ORC1: variants seen among roughly 807,000 people sequenced by gnomAD.
ORC1 encodes the protein origin recognition complex, subunit 1 homolog.
Under a neutral mutation model 98.9 loss-of-function variants are expected in ORC1, and 61 were observed. The ratio of observed to expected loss-of-function variants is 0.62; its 90% confidence interval spans 0.50 to 0.76. The LOEUF (loss-of-function observed/expected upper bound fraction) is 0.76, where lower values mean the gene tolerates loss of function less well. Among genes scored for constraint, ORC1 ranks in the 30% least tolerant of loss-of-function variants. The pLI, the probability that ORC1 is intolerant of heterozygous loss-of-function variation, is 0.00. For missense variants in ORC1, 979 were observed against 1,072.2 expected (o/e 0.91, Z 1.21); for synonymous variants, 385 against 406.9 (o/e 0.95, Z 0.65).
intron 10 of ORC1, among the ~76,000 whole-genome samples, 185 bp downstream of exon 10, chr1:52,384,976 C>G (rs1162267913): frequency 6.6e-6 from 1 of 152,130 alleles, no homozygotes; most frequent in Non-Finnish European, 1.5e-5. Flanking sequence ...TTCTGAAAGG[C>G]AAAATTTCTG....
chr1:52,376,247 G>C (rs901206173), intron 14 of ORC1, among the ~76,000 whole-genome samples: 2 of 152,076 alleles, frequency 1.3e-5, no homozygotes, highest in Non-Finnish European at 2.9e-5. Context: ...GGGCGCGGTG[G>C]GTCACACCTG....
At chr1:52,395,406 G>A (rs1368673815) in intron 5 of ORC1, among the ~76,000 whole-genome samples, 1 of 152,192 alleles carries the variant, frequency 6.6e-6, no homozygotes, top group Non-Finnish European at 1.5e-5. Flanking sequence ...TGGAGGACAA[G>A]GAAAGGAGTA....
intron 16 of ORC1, among the ~76,000 whole-genome samples, chr1:52,374,226 G>C (rs1382097104): frequency 1.3e-5 from 2 of 152,144 alleles, no homozygotes; most frequent in Non-Finnish European, 2.9e-5. Context: ...TTTTAAACAA[G>C]AATTTACAAC....
chr1:52,408,721 A>T (rs762571236), upstream of ORC1: 2 of 1,609,280 alleles, frequency 1.2e-6, no homozygotes, highest in East Asian at 4.5e-5. Context: ...CCTGATTGTC[A>T]TTTTTAAGCC....
upstream of ORC1, chr1:52,409,421 G>A (rs549776228): frequency 2.6e-5 from 4 of 152,352 alleles, no homozygotes; most frequent in South Asian, 2.1e-4. Context: ...GACCAGCCTC[G>A]TCAGTATGGT....
At chr1:52,398,864 C>T (rs1231519526) in intron 3 of ORC1, among the ~76,000 whole-genome samples, 1 of 152,244 alleles carries the variant, frequency 6.6e-6, no homozygotes, top group Non-Finnish European at 1.5e-5. Flanking sequence ...GGATTACAGG[C>T]ATGAGCCACC....
chr1:52,380,267 T>C (rs886985146), intron 14 of ORC1, among the ~76,000 whole-genome samples: 3 of 152,244 alleles, frequency 2.0e-5, no homozygotes, highest in African/African-American at 7.2e-5. Flanking sequence ...CAGAGCCAGC[T>C]GTTTAATCTC....
chr1:52,401,807 C>T (rs753667606), intron 2 of ORC1, among the ~76,000 whole-genome samples: 3 of 152,156 alleles, frequency 2.0e-5, no homozygotes, highest in Non-Finnish European at 4.4e-5. Context: ...GTCAAATTGT[C>T]AGAGATCTCC....
chr1:52,376,915 CA>C (rs1261541517), intron 14 of ORC1, among the ~76,000 whole-genome samples: 3 of 152,174 alleles, frequency 2.0e-5, no homozygotes, highest in Non-Finnish European at 4.4e-5. Context: ...ACTTCAGCCT[CA>C]GTACAGGGTG....
chr1:52,397,768 G>A lies in ORC1; in HGVS notation c.319C>T (p.Pro107Ser), dbSNP rs1647483686. The A allele has an allele frequency of 3.1e-6, 5 of 1,614,164 alleles. No homozygotes were observed. In the East Asian group the frequency reaches 1.1e-4, roughly 36 times the overall value. Residue 107 changes from proline to serine, a missense_variant, in exon 4 of 17, where the codon CCT (proline) becomes TCT (serine). Pro to Ser is a moderately conservative substitution (Grantham distance 74). Transcript: ENST00000371568. ...TACCAGAATATTTCCTGTGCACCAG[G>A]CTTCCGGCCCAACAAATGCCGTTTA... ...ACKRHLLGRK[P>S]GAQEIFWYDY...
intron 8 of ORC1, among the ~76,000 whole-genome samples, chr1:52,386,618 G>A (rs1647146226): frequency 6.6e-6 from 1 of 152,298 alleles, no homozygotes; most frequent in South Asian, 2.1e-4. Flanking sequence ...TGGCTAGAGA[G>A]AGAACAATCT....
rs1329288622 is a variant in ORC1, at chr1:52,373,372, A to AT, written c.2394dup (p.Tyr799IlefsTer2). 1 of 1,613,198 alleles carries AT rather than the reference A, an allele frequency of 6.2e-7. No homozygotes were observed. The highest frequency in any genetic ancestry group is 8.5e-7 in the Non-Finnish European group (1 of 1,179,360). On this transcript the variant is annotated frameshift_variant, in exon 17 of 17. Coordinates refer to ENST00000371568, the MANE Select transcript of ORC1 (RefSeq NM_004153.4). LOFTEE classifies it high-confidence loss of function. ...CTGCACAGTGCCACATGTTGACTAT[A>AT]TATCTAGACACAAATAGCAAGGCAA...
At chr1:52,392,914 A>C (rs1293950882) in intron 6 of ORC1, among the ~76,000 whole-genome samples, 1 of 152,194 alleles carries the variant, frequency 6.6e-6, no homozygotes, top group Non-Finnish European at 1.5e-5. Flanking sequence ...GGAAGGGTGG[A>C]AGGTGGGTGA....
Position 52,381,669 on chromosome 1 carries a change from A to T in ORC1, c.2106T>A (p.Asp702Glu), listed in dbSNP as rs373198161. Residue 702 changes from aspartate (D) to glutamate (E), a missense_variant, in exon 14 of 17, where the codon GAT becomes GAA. Transcript: ENST00000371568. ...SRLKHLKAFE[D>E]DAIQLVARKV... ...TCCTGGCTACCAGCTGGATGGCATC[A>T]TCTTCAAAGGCCTTTAGATGCTTGA... 4 of 1,612,970 alleles carry T rather than the reference A, an allele frequency of 2.5e-6. No homozygotes were observed. Among genetic ancestry groups the T allele is most frequent in the Non-Finnish European group, 3.4e-6 (4 of 1,179,778 alleles).
intron 14 of ORC1, among the ~76,000 whole-genome samples, chr1:52,377,703 C>CAAAA (rs58266239): frequency 4.8e-3 from 282 of 58,230 alleles, no homozygotes; most frequent in East Asian, 0.01. Flanking sequence ...CCCCTAGAAG[C>CAAAA]AAAAAAAAAA....
intron 14 of ORC1, among the ~76,000 whole-genome samples, 191 bp downstream of exon 14, chr1:52,381,451 C>A (rs961753328): frequency 6.6e-6 from 1 of 152,122 alleles, no homozygotes; most frequent in Admixed American, 6.6e-5. Context: ...CATATAAACC[C>A]ACAATATTTA....
chr1:52,388,656 T>C lies in ORC1; in HGVS notation c.1188-19A>G, dbSNP rs769895881. The C allele has an allele frequency of 6.3e-7, 1 of 1,593,362 alleles. No homozygotes were observed. The highest frequency in any genetic ancestry group is 1.7e-5 in the Admixed American group (1 of 60,002). On this transcript the variant is annotated intron_variant, in intron 7 of 16. Transcript: ENST00000371568. Reference sequence around the variant, plus strand: ...TAGAAACCTGAATGGTAGGGACATATTTTTTGATACTCAGTGTTCAAGTCT... The same window carrying C: ...TAGAAACCTGAATGGTAGGGACATACTTTTTGATACTCAGTGTTCAAGTCT...
At chr1:52,404,652 ACTT>A, upstream of ORC1, 1 of 1,401,510 alleles carries the variant, frequency 7.1e-7, no homozygotes, top group South Asian at 1.4e-5. Context: ...GTTTAGTGAA[ACTT>A]CTTCCACCTT....
intron 13 of ORC1, among the ~76,000 whole-genome samples, chr1:52,383,203 T>C (rs1164045923): frequency 1.3e-5 from 2 of 151,584 alleles, no homozygotes; most frequent in Admixed American, 1.3e-4. Flanking sequence ...TAAGTAAAAA[T>C]TAGCCTGGCT....
Sources: gnomAD v4.1 joint callset for allele counts (sites outside exome capture counted in the v4.1 genomes callset) on GRCh38, gnomAD v4.1.1 for gene constraint, MANE v1.5 for transcripts, NCBI Gene and HGNC (gene_info 2026-07-23, HGNC 2026-07-21) for gene names.